The following ARL8B variants were observed in gnomAD, a reference collection of about 807,000 sequenced individuals.
ARL8B encodes ARF like GTPase 8B, also known as ADP-ribosylation factor-like protein 8B.
Under a neutral mutation model 30.6 loss-of-function variants are expected in ARL8B, and 9 were observed. The observed-to-expected ratio is 0.29, with a 90% CI of 0.18 to 0.51. ARL8B has a LOEUF of 0.51. Among genes scored for constraint, ARL8B ranks in the 20% least tolerant of loss-of-function variants. The pLI is 0.97. For synonymous variants in ARL8B, 74 were observed against 76.0 expected, an observed-to-expected ratio of 0.97 and a Z score of 0.14; for missense variants, 130 against 227.2, an observed-to-expected ratio of 0.57 and a Z score of 2.75.
At chr3:5,157,426 C>T (rs1408249810) in intron 1 of ARL8B, among the ~76,000 whole-genome samples, 1 of 152,124 alleles carries the variant, frequency 6.6e-6, no homozygotes, top group African/African-American at 2.4e-5. Flanking sequence ...CTGCCTTTCC[C>T]TCAGTTGAAT....
chr3:5,147,479 A>T (rs761243578), intron 1 of ARL8B, among the ~76,000 whole-genome samples: 2 of 151,900 alleles, frequency 1.3e-5, no homozygotes, highest in Non-Finnish European at 2.9e-5. Context: ...ATTCTCTTAA[A>T]ATGCCCTGGC....
intron 1 of ARL8B, among the ~76,000 whole-genome samples, chr3:5,162,052 T>C (rs1224314133): frequency 2.0e-5 from 3 of 152,368 alleles, no homozygotes; most frequent in South Asian, 2.1e-4. Context: ...CAGTTTGCTA[T>C]AGATTCGTTA....
rs558886518 is a variant in ARL8B, at chr3:5,122,404, T to A, written c.-62T>A. 2.7e-4 allele frequency: 428 copies of A among 1,606,768 alleles called. No homozygotes were observed. The highest frequency in any genetic ancestry group is 6.0e-5 in the Non-Finnish European group (71 of 1,177,616). The stretch of plus-strand genomic sequence containing the variant: ...GGGTCCGGGCGGAGGCCCGCTCGTG[T>A]GGAAGTCGTCGACGCCGCCGCTCGT... On this transcript the variant is annotated 5_prime_UTR_variant, in exon 1 of 7. It introduces an in-frame stop codon into an upstream open reading frame of the 5' UTR. Transcript: ENST00000256496.
At chr3:5,140,257 G>A (rs543458875) in intron 1 of ARL8B, among the ~76,000 whole-genome samples, 6 of 152,232 alleles carry the variant, frequency 3.9e-5, no homozygotes, top group African/African-American at 7.2e-5. Context: ...GGAGGGACCC[G>A]GTGGGAGATA....
At chr3:5,173,579 A>G (rs947089148) in intron 4 of ARL8B, among the ~76,000 whole-genome samples, 3 of 152,150 alleles carry the variant, frequency 2.0e-5, no homozygotes, top group African/African-American at 7.2e-5. Context: ...TACTACAAAA[A>G]ATCAGCTGGG....
chr3:5,133,157 G>T (rs1008846128), intron 1 of ARL8B, among the ~76,000 whole-genome samples: 4 of 152,112 alleles, frequency 2.6e-5, no homozygotes, highest in East Asian at 3.8e-4. Flanking sequence ...CTGAGGGAAA[G>T]AAATTTTTTT....
intron 1 of ARL8B, among the ~76,000 whole-genome samples, chr3:5,169,431 A>G (rs1304431650): frequency 6.6e-6 from 1 of 151,990 alleles, no homozygotes; most frequent in Non-Finnish European, 1.5e-5. Flanking sequence ...GCTGGATCAT[A>G]TGATAATTCT....
In ARL8B at chr3:5,122,409, G is replaced by T; in HGVS notation, c.-57G>T. 8.1e-6 allele frequency: 13 copies of T among 1,607,560 alleles called. No homozygotes were observed. Among genetic ancestry groups the T allele is most frequent in the Non-Finnish European group, 1.1e-5 (13 of 1,177,998 alleles). ...CGGGCGGAGGCCCGCTCGTGTGGAA[G>T]TCGTCGACGCCGCCGCTCGTCCGTC... On this transcript the variant is annotated 5_prime_UTR_variant, in exon 1 of 7. Transcript: ENST00000256496.
chr3:5,128,386 C>T (rs1258553725), intron 1 of ARL8B: 2 of 437,340 alleles, frequency 4.6e-6, no homozygotes, highest in East Asian at 1.5e-4. Context: ...AGGCATCTTA[C>T]AAAGGAACAT....
intron 1 of ARL8B, among the ~76,000 whole-genome samples, chr3:5,154,886 G>A (rs1241190953): frequency 3.1e-5 from 4 of 129,100 alleles, no homozygotes; most frequent in Admixed American, 2.9e-4. Flanking sequence ...GATTTTTGTG[G>A]TTGTTTTTGT....
In ARL8B at chr3:5,150,145, G is replaced by A. The variant is rs75581708; in HGVS notation, c.124-20358G>A. Among the ~76,000 whole-genome samples the A allele has an allele frequency of 8.9e-3, 1,353 of 152,166 alleles. 17 individuals are homozygous for A. Among genetic ancestry groups the A allele is most frequent in the African/African-American group, 0.031 (1,268 of 41,508 alleles). On this transcript the variant is annotated intron_variant, in intron 1 of 6. Transcript: ENST00000256496. ...CTCTTCTGTTTTTGGAGATTATGTAGAATTCGTGTTATTCTTTAATGTTTG... is the reference window on the plus strand; with the variant it reads ...CTCTTCTGTTTTTGGAGATTATGTAAAATTCGTGTTATTCTTTAATGTTTG...
In ARL8B at chr3:5,143,790, G is replaced by A. The variant is rs117368230; in HGVS notation, c.123+21202G>A. On this transcript the variant is annotated intron_variant, in intron 1 of 6. Transcript: ENST00000256496. ...TCCTTTTAACCTAAGGGATGACAGG[G>A]TAGAGGATATGGCCAGTATATAATT... Among the ~76,000 whole-genome samples the A allele has an allele frequency of 8.5e-5, 13 of 152,342 alleles. 1 individual carries two copies. The East Asian group carries it at 2.3e-3, about 27-fold the overall frequency.
intron 1 of ARL8B, among the ~76,000 whole-genome samples, chr3:5,141,153 C>T: frequency 6.6e-6 from 1 of 152,214 alleles, no homozygotes; most frequent in East Asian, 1.9e-4. Flanking sequence ...CTGACCCCTC[C>T]TCTACATTCT....
intron 1 of ARL8B, among the ~76,000 whole-genome samples, chr3:5,161,416 G>A (rs2054579280): frequency 6.6e-6 from 1 of 152,200 alleles, no homozygotes; most frequent in Non-Finnish European, 1.5e-5. Flanking sequence ...GAGAGGCAAT[G>A]TTTGAGTGGT....
At chr3:5,156,659 A>G (rs1302705732) in intron 1 of ARL8B, among the ~76,000 whole-genome samples, 1 of 151,374 alleles carries the variant, frequency 6.6e-6, no homozygotes, top group East Asian at 2.0e-4. Context: ...CAAGTGATCC[A>G]CCCGCCTTGG....
rs909637797 is a variant in ARL8B, at chr3:5,141,430, G to A, written c.123+18842G>A. Among the ~76,000 whole-genome samples the A allele has an allele frequency of 7.9e-5, 12 of 152,280 alleles. 1 individual carries two copies. Among genetic ancestry groups the A allele is most frequent in the East Asian group, 5.8e-4 (3 of 5,188 alleles). ...TCTAATAGTAGCAGGTTATTTTGCT[G>A]GTAACTTATTGGCATTGTTTATTAA... On this transcript the variant is annotated intron_variant, in intron 1 of 6. Coordinates refer to ENST00000256496, the MANE Select transcript of ARL8B (RefSeq NM_018184.3).
At position 5,170,596 on chromosome 3, in the gene ARL8B, T is replaced by G; in HGVS notation, c.204+13T>G. 3.8e-6 allele frequency: 6 copies of G among 1,591,136 alleles called. No homozygotes were observed. The highest frequency in any genetic ancestry group is 5.2e-6 in the Non-Finnish European group (6 of 1,160,754). ...CGTCACAATAAAGGTAAGTTATTTC[T>G]TGCCGTACGCAATTTAAATTGTTAG... On this transcript the variant is annotated intron_variant, in intron 2 of 6. Transcript: ENST00000256496.
At chr3:5,164,603 TC>T (rs1273345183) in intron 1 of ARL8B, among the ~76,000 whole-genome samples, 1 of 152,224 alleles carries the variant, frequency 6.6e-6, no homozygotes, top group Non-Finnish European at 1.5e-5. Flanking sequence ...GCCCTTGTTT[TC>T]TAAGTATGTA....
At chr3:5,137,239 G>A (rs149935111) in intron 1 of ARL8B, among the ~76,000 whole-genome samples, 9 of 152,104 alleles carry the variant, frequency 5.9e-5, no homozygotes, top group Non-Finnish European at 1.2e-4. Context: ...CATAGAATGA[G>A]TACTCCTTAG....
Sources: gnomAD v4.1 joint callset for allele counts (sites outside exome capture counted in the v4.1 genomes callset) on GRCh38, gnomAD v4.1.1 for gene constraint, MANE v1.5 for transcripts, NCBI Gene and HGNC (gene_info 2026-07-23, HGNC 2026-07-21) for gene names.